RAPGEF6: variants seen among roughly 807,000 people sequenced by gnomAD.
RAPGEF6 encodes PDZ domain containing guanine nucleotide exchange factor (GEF) 2.
RAPGEF6 carries 56 observed loss-of-function variants against 171.4 expected under a neutral mutation model. That is an observed-to-expected ratio of 0.33 (90% CI 0.26 to 0.41). The LOEUF is 0.41. Among genes scored for constraint, RAPGEF6 ranks in the 10% least tolerant of loss-of-function variants. The pLI, the probability that RAPGEF6 is intolerant of heterozygous loss-of-function variation, is 1.00. For synonymous variants in RAPGEF6, 692 were observed against 650.1 expected (o/e 1.06, Z -0.98); for missense variants, 1,674 against 1,921.4 (o/e 0.87, Z 2.41).
intron 4 of RAPGEF6, among the ~76,000 whole-genome samples, chr5:131,584,058 T>G (rs11953676): frequency 0.64 from 97,464 of 152,002 alleles, 32,906 homozygotes; most frequent in Non-Finnish European, 0.77. Flanking sequence ...GAGGGAAAGT[T>G]TACAAAGTGG....
intron 9 of RAPGEF6, among the ~76,000 whole-genome samples, chr5:131,505,836 G>A (rs1757338846): frequency 6.6e-6 from 1 of 152,160 alleles, no homozygotes; most frequent in African/African-American, 2.4e-5. Flanking sequence ...CTAGCTGAAT[G>A]ACTTTGGGTA....
intron 5 of RAPGEF6, among the ~76,000 whole-genome samples, chr5:131,558,711 G>T (rs1165258339): frequency 6.6e-6 from 1 of 151,936 alleles, no homozygotes; most frequent in South Asian, 2.1e-4. Flanking sequence ...TTTGACAAGC[G>T]ATTTAGAGCA....
chr5:131,592,551 A>C, intron 3 of RAPGEF6, 85 bp from the exon 4 acceptor site: 1 of 1,491,830 alleles, frequency 6.7e-7, no homozygotes, highest in Middle Eastern at 2.0e-4. Flanking sequence ...ATATTCTGAT[A>C]ATAGTACAAA....
chr5:131,541,020 T>C (rs1561547465), intron 6 of RAPGEF6, among the ~76,000 whole-genome samples: 3 of 152,184 alleles, frequency 2.0e-5, no homozygotes, highest in African/African-American at 7.2e-5. Context: ...ATGTTTACCG[T>C]TATATGCTAT....
In RAPGEF6 at chr5:131,424,695, A is replaced by T. The variant is rs1751317077; in HGVS notation, c.*2571T>A. On this transcript the variant is annotated 3_prime_UTR_variant, in exon 28 of 28. Transcript: ENST00000509018. ...AAAGTAATCATTTGGAGTAAATTAG[A>T]ATTATTAACTTTAATAAGCTTTTAT... 1 of 152,294 alleles carries T rather than the reference A, an allele frequency of 6.6e-6. No individual in the cohort carries two copies. Among genetic ancestry groups the T allele is most frequent in the South Asian group, 2.1e-4 (1 of 4,836 alleles). 9.4% of individuals were successfully genotyped at this position (152,294 alleles called of 1,614,324 possible).
chr5:131,628,431 G>C (rs1766081570), intron 1 of RAPGEF6, among the ~76,000 whole-genome samples: 1 of 152,182 alleles, frequency 6.6e-6, no homozygotes, highest in Non-Finnish European at 1.5e-5. Flanking sequence ...AAAAGGTTGA[G>C]AGATGAGATG....
intron 1 of RAPGEF6, among the ~76,000 whole-genome samples, chr5:131,628,703 G>C (rs1249744645): frequency 6.6e-6 from 1 of 152,180 alleles, no homozygotes; most frequent in Non-Finnish European, 1.5e-5. Context: ...ACTCCTGTTA[G>C]AGGATAATGC....
chr5:131,582,715 G>A (rs1470498188), intron 4 of RAPGEF6, among the ~76,000 whole-genome samples: 1 of 152,134 alleles, frequency 6.6e-6, no homozygotes, highest in Non-Finnish European at 1.5e-5. Flanking sequence ...CTTACATATA[G>A]CATACAAGAA....
intron 16 of RAPGEF6, among the ~76,000 whole-genome samples, chr5:131,475,058 C>T (rs868134215): frequency 6.6e-5 from 10 of 152,212 alleles, no homozygotes; most frequent in Admixed American, 3.9e-4. Context: ...TGCTATTTAA[C>T]ATCGCTTCTG....
At chr5:131,523,132 C>T (rs1347311495) in intron 6 of RAPGEF6, among the ~76,000 whole-genome samples, 1 of 152,014 alleles carries the variant, frequency 6.6e-6, no homozygotes, top group Non-Finnish European at 1.5e-5. Context: ...CAGAAACTAA[C>T]AAAGAAGTTT....
At chr5:131,453,658 G>A (rs1239568007) in intron 20 of RAPGEF6, among the ~76,000 whole-genome samples, 3 of 152,110 alleles carry the variant, frequency 2.0e-5, no homozygotes, top group Non-Finnish European at 2.9e-5. Flanking sequence ...TTATAGCATT[G>A]TTTTTTCACA....
At chr5:131,457,575 A>G (rs1753604443) in intron 19 of RAPGEF6, among the ~76,000 whole-genome samples, 1 of 152,242 alleles carries the variant, frequency 6.6e-6, no homozygotes, top group African/African-American at 2.4e-5. Flanking sequence ...ATCCACTTAT[A>G]TGCAGATTTT....
At chr5:131,483,777 T>C (rs1454523703) in intron 15 of RAPGEF6, among the ~76,000 whole-genome samples, 1 of 151,394 alleles carries the variant, frequency 6.6e-6, no homozygotes, top group Admixed American at 6.6e-5. Flanking sequence ...AAAAGATGAG[T>C]AACAATATAA....
At chr5:131,470,414 C>G (rs1754662516) in intron 17 of RAPGEF6, among the ~76,000 whole-genome samples, 1 of 152,092 alleles carries the variant, frequency 6.6e-6, no homozygotes, top group South Asian at 2.1e-4. Flanking sequence ...TAATTTCAAC[C>G]TCTTCTCTTT....
chr5:131,572,304 C>T (rs1762352087), intron 4 of RAPGEF6, among the ~76,000 whole-genome samples: 1 of 152,174 alleles, frequency 6.6e-6, no homozygotes, highest in Non-Finnish European at 1.5e-5. Context: ...AATTTCAAAT[C>T]GGTAAGCGGT....
At chr5:131,513,680 A>G (rs1194663987) in intron 7 of RAPGEF6, among the ~76,000 whole-genome samples, 2 of 152,168 alleles carry the variant, frequency 1.3e-5, no homozygotes, top group Non-Finnish European at 2.9e-5. Flanking sequence ...TTTAATACCA[A>G]CTGCAAAGGA....
intron 1 of RAPGEF6, among the ~76,000 whole-genome samples, chr5:131,606,696 G>A (rs1337292413): frequency 1.3e-5 from 2 of 152,130 alleles, no homozygotes; most frequent in African/African-American, 2.4e-5. Flanking sequence ...CACAGATGTG[G>A]GTTGGCTCTG....
chr5:131,452,219 CA>C (rs11464750), intron 21 of RAPGEF6, among the ~76,000 whole-genome samples: 19 of 143,360 alleles, frequency 1.3e-4, no homozygotes, highest in South Asian at 4.4e-4. Flanking sequence ...GACTCCGTCT[CA>C]AAAAAAAAAA....
intron 22 of RAPGEF6, among the ~76,000 whole-genome samples, chr5:131,444,672 T>C (rs1053165821): frequency 5.9e-5 from 9 of 152,198 alleles, no homozygotes; most frequent in Admixed American, 2.0e-4. Flanking sequence ...TTATTAAATA[T>C]GTAGCATGGG....
Sources: allele counts gnomAD v4.1 joint callset (sites outside exome capture counted in the v4.1 genomes callset), GRCh38; gene constraint gnomAD v4.1.1; transcripts MANE v1.5; gene names NCBI Gene and HGNC (gene_info 2026-07-23, HGNC 2026-07-21).